INSC: variants seen among roughly 807,000 people sequenced by gnomAD.
INSC encodes INSC spindle orientation adaptor protein, also known as protein inscuteable homolog.
INSC carries 67 observed loss-of-function variants against 58.6 expected under a neutral mutation model. The observed-to-expected ratio is 1.14, with a 90% CI of 0.94 to 1.40. INSC has a LOEUF of 1.40. Among genes scored for constraint, INSC ranks in the 40% most tolerant of loss-of-function variants. INSC has a pLI of 0.00. For missense variants in INSC, 714 were observed against 692.0 expected (o/e 1.03, Z -0.36); for synonymous variants, 262 against 276.1 (o/e 0.95, Z 0.51).
At chr11:15,254,846 T>A in the INSC span, among the ~76,000 whole-genome samples, 1 of 152,150 alleles carries the variant, frequency 6.6e-6, no homozygotes, top group African/African-American at 2.4e-5. Context: ...ATCCTCCACC[T>A]AGGAAAGAAG....
chr11:15,116,805 T>TTTTCTTTTCTTTC (rs1847710731), intron 1 of INSC, among the ~76,000 whole-genome samples: 2 of 19,980 alleles, frequency 1.0e-4, no homozygotes, highest in African/African-American at 2.6e-4. Flanking sequence ...CTTTTCTTTC[T>TTTTCTTTTCTTTC]TTTCTTTCTT....
At chr11:15,136,899 C>A (rs1414003751) in intron 1 of INSC, among the ~76,000 whole-genome samples, 1 of 152,128 alleles carries the variant, frequency 6.6e-6, no homozygotes, top group East Asian at 1.9e-4. Context: ...TAATTGCTTT[C>A]TAAAAGGATT....
At chr11:15,265,137 A>G in the INSC span, among the ~76,000 whole-genome samples, 7 of 152,114 alleles carry the variant, frequency 4.6e-5, no homozygotes, top group Non-Finnish European at 2.9e-5. Flanking sequence ...TAAGAAAAAT[A>G]AGTTTAAATT....
chr11:15,248,063 C>G (rs935038549), downstream of INSC, among the ~76,000 whole-genome samples: 2 of 152,156 alleles, frequency 1.3e-5, no homozygotes, highest in Non-Finnish European at 2.9e-5. Context: ...CTAGTTGATA[C>G]TGCAATTGAA....
intron 2 of INSC, among the ~76,000 whole-genome samples, chr11:15,152,928 G>T (rs902180465): frequency 2.0e-5 from 3 of 152,202 alleles, no homozygotes; most frequent in Non-Finnish European, 4.4e-5. Flanking sequence ...GCTAGGATAC[G>T]TGTTTCTATA....
chr11:15,160,491 G>A (rs1375626832), intron 2 of INSC, among the ~76,000 whole-genome samples: 1 of 152,178 alleles, frequency 6.6e-6, no homozygotes, highest in Non-Finnish European at 1.5e-5. Flanking sequence ...GAGGGCACAG[G>A]TGATGGCTCC....
Position 15,200,884 on chromosome 11 carries a change from C to A in INSC, c.754C>A (p.Pro252Thr), listed in dbSNP as rs766791437. 5 of 1,613,896 alleles carry A rather than the reference C, an allele frequency of 3.1e-6. No homozygotes were observed. Among genetic ancestry groups the A allele is most frequent in the East Asian group, 4.5e-5 (2 of 44,828 alleles). Residue 252 changes from proline (P) to threonine (T), a missense_variant, in exon 7 of 13, where the codon CCC becomes ACC. Transcript: ENST00000379556. Reference protein sequence around the residue: ...CRQDSFRCLYPQALRTLASIC... With the variant: ...CRQDSFRCLYTQALRTLASIC... ...GCAGGACAGTTTCCGGTGCTTGTAC[C>A]CCCAGGCGCTCCGCACGCTGGCCTC...
chr11:15,224,648 C>A (rs893951942), intron 8 of INSC, among the ~76,000 whole-genome samples: 1 of 152,150 alleles, frequency 6.6e-6, no homozygotes, highest in Non-Finnish European at 1.5e-5. Flanking sequence ...GAGGGCCAGA[C>A]GTCAGGTCCA....
chr11:15,117,122 AG>A, intron 1 of INSC, among the ~76,000 whole-genome samples: 1 of 150,974 alleles, frequency 6.6e-6, no homozygotes, highest in African/African-American at 2.4e-5. Flanking sequence ...TTGTATTTTT[AG>A]TAGAGATGGG....
chr11:15,123,228 T>TA (rs1365920727), intron 1 of INSC, among the ~76,000 whole-genome samples: 1 of 152,382 alleles, frequency 6.6e-6, no homozygotes, highest in East Asian at 1.9e-4. Context: ...TATAAAGTTT[T>TA]AAAACATGTG....
chr11:15,203,867 G>C (rs1850693987), intron 7 of INSC, among the ~76,000 whole-genome samples: 2 of 151,402 alleles, frequency 1.3e-5, no homozygotes, highest in South Asian at 4.2e-4. Flanking sequence ...AACAGAAGAA[G>C]AATAAAATTC....
chr11:15,225,933 TGTTA>T, intron 9 of INSC, 105 bp downstream of exon 9: 1 of 1,154,468 alleles, frequency 8.7e-7, no homozygotes, highest in Non-Finnish European at 1.2e-6. Context: ...ATGGGAGTCC[TGTTA>T]GTTTTGCATG....
chr11:15,156,329 C>G (rs1300136515), intron 2 of INSC, among the ~76,000 whole-genome samples: 5 of 152,220 alleles, frequency 3.3e-5, no homozygotes, highest in Non-Finnish European at 7.3e-5. Flanking sequence ...GGCAGTCTTG[C>G]ATAGCAGAAA....
intron 2 of INSC, among the ~76,000 whole-genome samples, chr11:15,153,006 T>G (rs1166613150): frequency 6.6e-6 from 1 of 152,252 alleles, no homozygotes; most frequent in Non-Finnish European, 1.5e-5. Context: ...ACAAATCATT[T>G]ACTCATTTAT....
chr11:15,116,981 C>A (rs1276780640), intron 1 of INSC, among the ~76,000 whole-genome samples: 2 of 139,276 alleles, frequency 1.4e-5, no homozygotes, highest in Non-Finnish European at 3.1e-5. Context: ...CTTGCTCTAT[C>A]GCCCAGGCTG....
the INSC span, among the ~76,000 whole-genome samples, chr11:15,255,635 C>A: frequency 1.3e-5 from 2 of 152,104 alleles, no homozygotes; most frequent in African/African-American, 4.8e-5. Context: ...TTCTTTAACA[C>A]AGTTTTTATT....
At chr11:15,165,024 A>G (rs1849147459) in intron 2 of INSC, among the ~76,000 whole-genome samples, 1 of 152,230 alleles carries the variant, frequency 6.6e-6, no homozygotes, top group African/African-American at 2.4e-5. Context: ...TGTCTGTATC[A>G]GCAGCATGAA....
intron 1 of INSC, among the ~76,000 whole-genome samples, chr11:15,131,405 T>A (rs1792547): frequency 2.6e-5 from 4 of 151,598 alleles, no homozygotes; most frequent in Non-Finnish European, 5.9e-5. Flanking sequence ...AGAAAGTAGT[T>A]GATTAAAAAA....
intron 2 of INSC, among the ~76,000 whole-genome samples, chr11:15,155,177 C>T (rs1195651300): frequency 6.6e-6 from 1 of 152,206 alleles, no homozygotes; most frequent in East Asian, 1.9e-4. Flanking sequence ...CCTCTGGCTA[C>T]ACTTAGCAAC....
Sources: allele counts gnomAD v4.1 joint callset (sites outside exome capture counted in the v4.1 genomes callset), GRCh38; gene constraint gnomAD v4.1.1; transcripts MANE v1.5; gene names NCBI Gene and HGNC (gene_info 2026-07-23, HGNC 2026-07-21).